Variants in TNFRSF11A observed in about 807,000 individuals in gnomAD.
TNFRSF11A encodes TNF receptor superfamily member 11a, also known as tumor necrosis factor receptor superfamily member 11A.
Under a neutral mutation model 55.7 loss-of-function variants are expected in TNFRSF11A, and 32 were observed. The observed-to-expected ratio is 0.57, with a 90% CI of 0.43 to 0.77. The LOEUF is 0.77. Ranked by LOEUF, TNFRSF11A falls within the 30% of genes least tolerant of loss-of-function variation. TNFRSF11A has a pLI of 0.00. For missense variants in TNFRSF11A, 753 were observed against 809.8 expected (o/e 0.93, Z 0.85); for synonymous variants, 311 against 331.0 (o/e 0.94, Z 0.65).
At chr18:62,358,456 G>A in intron 5 of TNFRSF11A, 115 bp downstream of exon 5, 1 of 1,008,020 alleles carries the variant, frequency 9.9e-7, no homozygotes, top group African/African-American at 1.6e-5. Context: ...TCCTCTTGAA[G>A]CCACGTTCAA....
intron 1 of TNFRSF11A, among the ~76,000 whole-genome samples, chr18:62,342,218 T>A (rs2145269153): frequency 6.6e-6 from 1 of 151,488 alleles, no homozygotes; most frequent in South Asian, 2.1e-4. Context: ...CTGGGCAACA[T>A]GGTGAAACCC....
At chr18:62,381,114 A>G (rs114944650) in intron 9 of TNFRSF11A, among the ~76,000 whole-genome samples, 154 of 152,304 alleles carry the variant, frequency 1.0e-3, no homozygotes, top group African/African-American at 3.7e-3. Context: ...CCCCAACAAT[A>G]ATATTCTTGG....
intron 1 of TNFRSF11A, among the ~76,000 whole-genome samples, chr18:62,343,866 C>T (rs935701817): frequency 1.3e-5 from 2 of 152,142 alleles, no homozygotes; most frequent in Admixed American, 6.5e-5. Flanking sequence ...TTATTAATTC[C>T]AGTGAGTTCT....
At chr18:62,342,459 A>ATTTAATTT (rs937528036) in intron 1 of TNFRSF11A, among the ~76,000 whole-genome samples, 17 of 145,522 alleles carry the variant, frequency 1.2e-4, no homozygotes, top group Non-Finnish European at 2.1e-4. Context: ...TTTCTTTGTC[A>ATTTAATTT]TTTAATTTTT....
At chr18:62,344,708 C>T (rs900174535) in intron 1 of TNFRSF11A, among the ~76,000 whole-genome samples, 9 of 152,230 alleles carry the variant, frequency 5.9e-5, no homozygotes, top group African/African-American at 2.2e-4. Context: ...GAGCCATCTT[C>T]AGGCTCTTGC....
intron 1 of TNFRSF11A, among the ~76,000 whole-genome samples, chr18:62,344,329 T>A (rs1376022780): frequency 1.3e-5 from 2 of 152,246 alleles, no homozygotes; most frequent in Non-Finnish European, 2.9e-5. Context: ...ACTCTATCAG[T>A]CTTAAAGGTG....
rs1342509495 is a variant in TNFRSF11A at position 62,325,426 on chromosome 18, A to C, written c.74A>C (p.Gln25Pro). 1 of 1,247,830 alleles carries C rather than the reference A, an allele frequency of 8.0e-7. No homozygotes were observed. 77.3% of individuals were successfully genotyped at this position (1,247,830 alleles called of 1,614,324 possible). ...LLLCALLARL[Q>P]VALQIAPPCT... ...CTCTGCGCGCTGCTCGCCCGGCTGC[A>C]GGTAAGGAGCGCCCGCGCCTGCCGG... Residue 25 changes from glutamine (Q) to proline (P), a missense_variant and splice_region_variant, in exon 1 of 10, where the codon CAG (glutamine) becomes CCG (proline). Physicochemically the swap from Gln to Pro is moderately conservative, Grantham distance 76 (BLOSUM62 -1). Transcript: ENST00000586569. This position sits in a 1 kb window ranked among gnomAD's most constrained non-coding sequence, Gnocchi z 4.7.
In TNFRSF11A at chr18:62,347,906, A is replaced by AAAAAAAC. The variant is rs1321825482; in HGVS notation, c.76-256_76-255insCAAAAAA. ...GCAATAGAGCAAGACTCTGTCTAAA[A>AAAAAAAC]AAAAAAACAAAAAAACAAAAAAAAA... On this transcript the variant is annotated intron_variant, in intron 1 of 9. Coordinates refer to ENST00000586569, the MANE Select transcript of TNFRSF11A (RefSeq NM_003839.4). Among the ~76,000 whole-genome samples the AAAAAAAC allele has an allele frequency of 2.0e-5, 3 of 151,934 alleles. No homozygotes were observed. The East Asian group carries it at 5.8e-4, about 29-fold the overall frequency.
At chr18:62,371,016 G>A (rs1019482325) in intron 9 of TNFRSF11A, among the ~76,000 whole-genome samples, 1 of 152,116 alleles carries the variant, frequency 6.6e-6, no homozygotes, top group African/African-American at 2.4e-5. Flanking sequence ...TTTCAGTAAA[G>A]ATGGGGTTTT....
In TNFRSF11A at chr18:62,325,340, C is replaced by G; in HGVS notation, c.-13C>G. The G allele has an allele frequency of 9.8e-6, 10 of 1,017,908 alleles. No individual in the cohort carries two copies. The highest frequency in any genetic ancestry group is 1.1e-5 in the Non-Finnish European group (9 of 851,632). The allele number at this position is 1,017,908 out of a possible 1,614,324, so 63.1% of individuals were successfully genotyped here. A position where few individuals can be genotyped will look rare whatever the true frequency, so the allele number is the denominator to read the frequency against. Reference sequence around the variant, plus strand: ...CCGCTGAGGCCGCGGCGCCCGCCAGCCTGTCCCGCGCCATGGCCCCGCGCG... The same window carrying G: ...CCGCTGAGGCCGCGGCGCCCGCCAGGCTGTCCCGCGCCATGGCCCCGCGCG... On this transcript the variant is annotated 5_prime_UTR_variant, in exon 1 of 10. Coordinates refer to ENST00000586569, the MANE Select transcript of TNFRSF11A (RefSeq NM_003839.4). The surrounding 1 kb of genome is among the most constrained non-coding windows in gnomAD (Gnocchi z 4.7).
At chr18:62,332,202 G>C (rs768948354) in intron 1 of TNFRSF11A, among the ~76,000 whole-genome samples, 22 of 152,258 alleles carry the variant, frequency 1.4e-4, no homozygotes, top group Non-Finnish European at 2.5e-4. Context: ...GGCTGGTTTG[G>C]GGTTCGCATC....
In TNFRSF11A at chr18:62,357,098, G is replaced by A. The variant is rs141421044; in HGVS notation, c.428-1150G>A. ...AAATCAAATTGCTAGGTGAAGGAGC[G>A]GGTACCCTACCTAGCCAGCCAAATT... On this transcript the variant is annotated intron_variant, in intron 4 of 9. Coordinates refer to ENST00000586569, the MANE Select transcript of TNFRSF11A (RefSeq NM_003839.4). Among the ~76,000 whole-genome samples, 1,000 of 152,232 alleles carry A rather than the reference G, an allele frequency of 6.6e-3. 6 individuals are homozygous for A. Among genetic ancestry groups the A allele is most frequent in the South Asian group, 0.025 (122 of 4,824 alleles).
chr18:62,363,942 T>A (rs916170104), intron 7 of TNFRSF11A, among the ~76,000 whole-genome samples: 2 of 152,228 alleles, frequency 1.3e-5, no homozygotes, highest in African/African-American at 4.8e-5. Flanking sequence ...CCATACATGT[T>A]TATTGATCAT....
At chr18:62,366,234 A>C (rs185033553) in intron 7 of TNFRSF11A, among the ~76,000 whole-genome samples, 2 of 152,264 alleles carry the variant, frequency 1.3e-5, no homozygotes, top group Non-Finnish European at 2.9e-5. Flanking sequence ...CCTAGTGGTC[A>C]TAATACTGAG....
At chr18:62,327,916 A>T (rs1023195791) in intron 1 of TNFRSF11A, among the ~76,000 whole-genome samples, 5 of 152,240 alleles carry the variant, frequency 3.3e-5, no homozygotes, top group African/African-American at 1.2e-4. Flanking sequence ...AACATTTTGA[A>T]TTTTTATGTA....
rs1337078027 is a variant in TNFRSF11A at position 62,387,597 on chromosome 18, T to C, written c.*2563T>C. On this transcript the variant is annotated 3_prime_UTR_variant, in exon 10 of 10. Transcript: ENST00000586569. ...ACAGAAAATACTTGCTTTAATAATA[T>C]ATATGCTGTTGATTTCACAAAAATT... The C allele has an allele frequency of 1.3e-5, 2 of 152,218 alleles. No homozygotes were observed. The highest frequency in any genetic ancestry group is 2.9e-5 in the Non-Finnish European group (2 of 68,034). 9.4% of individuals were successfully genotyped at this position (152,218 alleles called of 1,614,324 possible). A position where few individuals can be genotyped will look rare whatever the true frequency, so the allele number is the denominator to read the frequency against.
chr18:62,371,960 T>G (rs1910585807), intron 9 of TNFRSF11A, among the ~76,000 whole-genome samples: 1 of 149,678 alleles, frequency 6.7e-6, no homozygotes. Flanking sequence ...GAGAGGATTT[T>G]TTGTTTGTTT....
At chr18:62,348,277 T>C (rs1436836896) in intron 2 of TNFRSF11A, 28 bp downstream of exon 2, 1 of 1,600,230 alleles carries the variant, frequency 6.2e-7, no homozygotes, top group Non-Finnish European at 8.6e-7. Context: ...CCACCTTGCA[T>C]TGCCCCTCAA....
intron 6 of TNFRSF11A, among the ~76,000 whole-genome samples, chr18:62,361,422 A>T (rs8083511): frequency 6.6e-6 from 1 of 151,918 alleles, no homozygotes; most frequent in African/African-American, 2.4e-5. Context: ...AGCTGTTCTA[A>T]GGTAGAAACA....
Sources: allele counts gnomAD v4.1 joint callset (sites outside exome capture counted in the v4.1 genomes callset), GRCh38; gene constraint gnomAD v4.1.1; non-coding constraint Gnocchi (gnomAD v3.1); transcripts MANE v1.5; gene names NCBI Gene and HGNC (gene_info 2026-07-23, HGNC 2026-07-21).